Variants in LRRC75A observed in about 807,000 individuals in gnomAD.
The protein encoded by LRRC75A is leucine-rich repeat-containing protein 75A.
In LRRC75A, 12 loss-of-function variants were observed where a neutral mutation model predicts 26.0. The observed-to-expected ratio is 0.46, with a 90% CI of 0.30 to 0.75. The LOEUF (loss-of-function observed/expected upper bound fraction) is 0.75, where lower values mean the gene tolerates loss of function less well. LRRC75A is among the 30% of genes least tolerant of loss of function. The pLI, the probability that LRRC75A is intolerant of heterozygous loss-of-function variation, is 0.08. For synonymous variants in LRRC75A, 223 were observed against 219.3 expected (o/e 1.02, Z -0.15); for missense variants, 410 against 486.6 (o/e 0.84, Z 1.48).
intron 1 of LRRC75A, among the ~76,000 whole-genome samples, chr17:16,465,826 G>A (rs1341911467): frequency 6.6e-6 from 1 of 152,242 alleles, no homozygotes; most frequent in African/African-American, 2.4e-5. Flanking sequence ...CTGGGTTCAT[G>A]TGGTTGTTGC....
chr17:16,461,669 C>G (rs1265147039), intron 2 of LRRC75A, among the ~76,000 whole-genome samples: 1 of 152,222 alleles, frequency 6.6e-6, no homozygotes, highest in Middle Eastern at 3.2e-3. Flanking sequence ...GTGAAGACAT[C>G]TGGGAGTGGT....
chr17:16,454,465 G>A (rs1267299496), intron 2 of LRRC75A, among the ~76,000 whole-genome samples: 2 of 152,102 alleles, frequency 1.3e-5, no homozygotes, highest in Non-Finnish European at 1.5e-5. Flanking sequence ...GCAGAGGGGG[G>A]CGGATCACCT....
intron 1 of LRRC75A, among the ~76,000 whole-genome samples, chr17:16,475,325 G>A (rs1028607143): frequency 2.0e-5 from 3 of 152,198 alleles, no homozygotes; most frequent in Admixed American, 6.5e-5. Context: ...TGTGTGTGGA[G>A]AGAGAGGAAG....
intron 1 of LRRC75A, among the ~76,000 whole-genome samples, chr17:16,490,784 C>G (rs994467444): frequency 6.6e-6 from 1 of 152,210 alleles, no homozygotes; most frequent in African/African-American, 2.4e-5. Flanking sequence ...CTAATGGGGT[C>G]AGTCTAGCAA....
intron 1 of LRRC75A, among the ~76,000 whole-genome samples, chr17:16,470,702 G>A (rs1200836583): frequency 1.3e-5 from 2 of 152,208 alleles, no homozygotes; most frequent in African/African-American, 2.4e-5. Context: ...GCCTGAGGAA[G>A]CCCCCAGGGA....
Position 16,462,880 on chromosome 17 carries a change from G to T in LRRC75A, c.247-494C>A, listed in dbSNP as rs1363394438. ...TTGCCTTGGGGGTTTCTGAGTGGTGGGGTTGTAAGCAGATCCTGCCAGGCA... is the reference window on the plus strand; with the variant it reads ...TTGCCTTGGGGGTTTCTGAGTGGTGTGGTTGTAAGCAGATCCTGCCAGGCA... On this transcript the variant is annotated intron_variant, in intron 1 of 3. Transcript: ENST00000470794. This position sits in a 1 kb window ranked among gnomAD's most constrained non-coding sequence, Gnocchi z 4.6. 1.2e-5 allele frequency: 2 copies of T among 168,056 alleles called. No individual in the cohort carries two copies. Among genetic ancestry groups the T allele is most frequent in the African/African-American group, 4.8e-5 (2 of 41,608 alleles). 10.4% of individuals were successfully genotyped at this position (168,056 alleles called of 1,614,324 possible).
At chr17:16,476,240 T>C (rs984001650) in intron 1 of LRRC75A, among the ~76,000 whole-genome samples, 1 of 151,940 alleles carries the variant, frequency 6.6e-6, no homozygotes, top group African/African-American at 2.4e-5. Context: ...TGGTGGCACA[T>C]GCCTGTAATC....
At chr17:16,455,948 C>A (rs1192098874) in intron 2 of LRRC75A, among the ~76,000 whole-genome samples, 5 of 152,090 alleles carry the variant, frequency 3.3e-5, no homozygotes, top group Admixed American at 3.3e-4. Context: ...CCCAACTCTT[C>A]CACTTTTCAA....
chr17:16,479,271 G>A (rs796672390), intron 1 of LRRC75A, among the ~76,000 whole-genome samples: 9 of 152,344 alleles, frequency 5.9e-5, no homozygotes, highest in African/African-American at 2.2e-4. Flanking sequence ...CTCGATTCAA[G>A]AGAAAGAGGG....
At chr17:16,458,644 T>C (rs141477776) in intron 2 of LRRC75A, among the ~76,000 whole-genome samples, 282 of 152,158 alleles carry the variant, frequency 1.9e-3, no homozygotes, top group African/African-American at 6.6e-3. Flanking sequence ...TTTGTATTTT[T>C]AGTAGAGATG....
In LRRC75A at chr17:16,491,922, T is replaced by TCGGGGGCCCGGCGCGGCGC; in HGVS notation, c.50_68dup (p.Glu25ArgfsTer234). ...ACGCCCAGAAGTCCGGCCGTTCGCG[T>TCGGGGGCCCGGCGCGGCGC]CGGGGGCCCGGCGCGGCGCCGGGGC... On this transcript the variant is annotated frameshift_variant, in exon 1 of 4. Transcript: ENST00000470794. LOFTEE classifies it high-confidence loss of function. This position sits in a 1 kb window ranked among gnomAD's most constrained non-coding sequence, Gnocchi z 5.9. 9.6e-6 allele frequency: 12 copies of TCGGGGGCCCGGCGCGGCGC among 1,256,344 alleles called. No homozygotes were observed. The highest frequency in any genetic ancestry group is 1.1e-5 in the Non-Finnish European group (11 of 1,004,070). The allele number at this position is 1,256,344 out of a possible 1,614,324, so 77.8% of individuals were successfully genotyped here.
At chr17:16,453,473 G>A (rs779482130) in intron 2 of LRRC75A, among the ~76,000 whole-genome samples, 20 of 152,268 alleles carry the variant, frequency 1.3e-4, no homozygotes, top group Non-Finnish European at 2.4e-4. Flanking sequence ...AGGGAGAACT[G>A]AGGAGCCTGC....
chr17:16,475,167 G>A (rs1050872731), intron 1 of LRRC75A, among the ~76,000 whole-genome samples: 4 of 152,080 alleles, frequency 2.6e-5, no homozygotes, highest in African/African-American at 7.2e-5. Context: ...GAAAAGCTGG[G>A]GGCTGGAAGG....
intron 1 of LRRC75A, among the ~76,000 whole-genome samples, chr17:16,476,660 A>G (rs1315409619): frequency 1.3e-5 from 2 of 150,014 alleles, no homozygotes; most frequent in Non-Finnish European, 3.0e-5. Context: ...TGCCTCCCCA[A>G]GTTCAAGCAA....
chr17:16,460,264 C>T (rs976085279), intron 2 of LRRC75A, among the ~76,000 whole-genome samples: 1 of 152,188 alleles, frequency 6.6e-6, no homozygotes, highest in Non-Finnish European at 1.5e-5. Context: ...TTGTAAGCCA[C>T]CCAGTCTACG....
chr17:16,489,107 G>C (rs2093852388), intron 1 of LRRC75A, among the ~76,000 whole-genome samples: 1 of 152,174 alleles, frequency 6.6e-6, no homozygotes, highest in South Asian at 2.1e-4. Flanking sequence ...GGAAGATTGT[G>C]TGTAGCTTTT....
intron 2 of LRRC75A, among the ~76,000 whole-genome samples, chr17:16,450,032 G>A (rs1399514902): frequency 6.6e-6 from 1 of 152,218 alleles, no homozygotes; most frequent in African/African-American, 2.4e-5. Flanking sequence ...TGTGGCGGCT[G>A]TGGGGTGTGT....
chr17:16,450,155 C>G (rs1247580353), intron 2 of LRRC75A, among the ~76,000 whole-genome samples: 1 of 152,206 alleles, frequency 6.6e-6, no homozygotes, highest in East Asian at 1.9e-4. Context: ...TTATGGAATT[C>G]CCACAGCACC....
intron 1 of LRRC75A, among the ~76,000 whole-genome samples, chr17:16,489,458 T>C (rs1326782060): frequency 6.6e-6 from 1 of 152,184 alleles, no homozygotes; most frequent in African/African-American, 2.4e-5. Context: ...GCTTGTGTGT[T>C]CTCAAGGCTC....
Sources: gnomAD v4.1 joint callset for allele counts (sites outside exome capture counted in the v4.1 genomes callset) on GRCh38, gnomAD v4.1.1 for gene constraint, Gnocchi (gnomAD v3.1) non-coding constraint, MANE v1.5 for transcripts, NCBI Gene and HGNC (gene_info 2026-07-23, HGNC 2026-07-21) for gene names.